Variants in GPC5 observed in about 807,000 individuals in gnomAD.
GPC5 encodes glypican 5, also known as glypican-5.
In GPC5, 47 loss-of-function variants were observed where a neutral mutation model predicts 53.9. The observed-to-expected ratio is 0.87, with a 90% CI of 0.69 to 1.11. The LOEUF (loss-of-function observed/expected upper bound fraction) is 1.11. Among genes scored for constraint, GPC5 ranks in the 50% most tolerant of loss-of-function variants. The pLI, the probability that GPC5 is intolerant of heterozygous loss-of-function variation, is 0.00. For missense variants in GPC5, 748 were observed against 713.1 expected, an observed-to-expected ratio of 1.05 and a Z score of -0.56; for synonymous variants, 286 against 263.3, an observed-to-expected ratio of 1.09 and a Z score of -0.84.
chr13:92,298,145 C>T (rs1191168195), intron 7 of GPC5, among the ~76,000 whole-genome samples: 4 of 152,212 alleles, frequency 2.6e-5, no homozygotes, highest in East Asian at 1.9e-4. Flanking sequence ...CCACACAATC[C>T]GAAGGGCCAG....
chr13:92,267,863 C>A (rs1372365766), intron 7 of GPC5, among the ~76,000 whole-genome samples: 5 of 152,118 alleles, frequency 3.3e-5, no homozygotes, highest in Admixed American at 3.3e-4. Context: ...ACTCCCAACC[C>A]CTAGAATAGA....
In GPC5 at chr13:91,408,545, A is replaced by T. The variant is rs918871798; in HGVS notation, c.163+9336A>T. 2.0e-5 allele frequency among the ~76,000 whole-genome samples: 3 copies of T among 152,124 alleles called. No homozygotes were observed. In the South Asian group the frequency reaches 6.2e-4, roughly 32 times the overall value. On this transcript the variant is annotated intron_variant, in intron 1 of 7. Transcript: ENST00000377067. ...TTTCGTGTATGAATTGTGGCTGGTT[A>T]TTTGTTTAGGATATTTTACAAGAGC...
At chr13:91,555,592 G>C (rs1218944997) in intron 2 of GPC5, among the ~76,000 whole-genome samples, 1 of 151,944 alleles carries the variant, frequency 6.6e-6, no homozygotes, top group African/African-American at 2.4e-5. Flanking sequence ...TAGCTCCCTT[G>C]GCCTTTGCGG....
intron 1 of GPC5, among the ~76,000 whole-genome samples, chr13:91,405,076 C>A (rs187556670): frequency 6.6e-6 from 1 of 152,174 alleles, no homozygotes; most frequent in East Asian, 1.9e-4. Context: ...GTCGTTAGAA[C>A]TGTAGGTTTC....
chr13:92,234,406 C>T (rs2042554412), intron 7 of GPC5, among the ~76,000 whole-genome samples: 1 of 152,054 alleles, frequency 6.6e-6, no homozygotes, highest in Admixed American at 6.6e-5. Flanking sequence ...TCTCTGATGG[C>T]CAGTGATGAT....
intron 6 of GPC5, among the ~76,000 whole-genome samples, chr13:92,128,515 A>G (rs1457260967): frequency 6.6e-6 from 1 of 152,344 alleles, no homozygotes; most frequent in East Asian, 1.9e-4. Context: ...TAGTTTCTCA[A>G]TAACATATCT....
At chr13:91,588,273 G>A (rs2032670823) in intron 2 of GPC5, among the ~76,000 whole-genome samples, 1 of 152,096 alleles carries the variant, frequency 6.6e-6, no homozygotes, top group African/African-American at 2.4e-5. Flanking sequence ...ATGACCTTTA[G>A]AATTTACTTC....
At chr13:92,182,883 A>T (rs908426594) in intron 7 of GPC5, among the ~76,000 whole-genome samples, 1 of 144,504 alleles carries the variant, frequency 6.9e-6, no homozygotes, top group Admixed American at 6.8e-5. Context: ...AAAGAAAAAA[A>T]AAAAAAAGTA....
intron 5 of GPC5, among the ~76,000 whole-genome samples, chr13:91,801,799 G>A (rs550922967): frequency 9.2e-5 from 14 of 152,236 alleles, no homozygotes; most frequent in African/African-American, 3.1e-4. Flanking sequence ...CAAATAGTTA[G>A]TTGCACCAGT....
In GPC5 at chr13:91,693,850, C is replaced by G; in HGVS notation, c.989C>G (p.Ala330Gly). 1 of 1,604,524 alleles carries G rather than the reference C, an allele frequency of 6.2e-7. No individual in the cohort carries two copies. Among genetic ancestry groups the G allele is most frequent in the Non-Finnish European group, 8.5e-7 (1 of 1,175,862 alleles). Residue 330 changes from alanine to glycine, a missense_variant, in exon 3 of 8, where the codon GCT (alanine) becomes GGT (glycine). Coordinates refer to ENST00000377067, the MANE Select transcript of GPC5 (RefSeq NM_004466.6). ...CTTGTTAATGATGCTGTGTTACAGG[C>G]TCACCTCAATGGACAAAAATTATTG... The part of the protein sequence containing the change: ...HLLVNDAVLQ[A>G]HLNGQKLLEQ...
intron 2 of GPC5, among the ~76,000 whole-genome samples, chr13:91,453,344 G>A (rs1360010291): frequency 2.0e-5 from 3 of 151,710 alleles, no homozygotes; most frequent in Non-Finnish European, 2.9e-5. Flanking sequence ...TATAGCTATC[G>A]TATAGCTGCT....
At chr13:92,034,053 A>G (rs186711457) in intron 6 of GPC5, among the ~76,000 whole-genome samples, 1 of 152,356 alleles carries the variant, frequency 6.6e-6, no homozygotes, top group East Asian at 1.9e-4. Context: ...AAGAAAAGGA[A>G]AGAGTGACAG....
intron 6 of GPC5, among the ~76,000 whole-genome samples, chr13:92,010,920 TA>T (rs2040655657): frequency 6.6e-6 from 1 of 152,218 alleles, no homozygotes; most frequent in South Asian, 2.1e-4. Flanking sequence ...TAATACAAAC[TA>T]TAAGACAATA....
At chr13:91,499,960 T>C (rs1351324550) in intron 2 of GPC5, among the ~76,000 whole-genome samples, 1 of 152,216 alleles carries the variant, frequency 6.6e-6, no homozygotes, top group African/African-American at 2.4e-5. Context: ...ATTGGTCTTG[T>C]ATTCTGGAGT....
intron 7 of GPC5, among the ~76,000 whole-genome samples, chr13:92,805,227 A>G (rs1028986306): frequency 1.3e-5 from 2 of 152,038 alleles, no homozygotes; most frequent in African/African-American, 4.8e-5. Flanking sequence ...TTCCAGATCC[A>G]TTAGAGCAAT....
intron 7 of GPC5, among the ~76,000 whole-genome samples, chr13:92,287,424 T>C (rs775250553): frequency 6.6e-6 from 1 of 152,182 alleles, no homozygotes; most frequent in Non-Finnish European, 1.5e-5. Flanking sequence ...TGCTCTTTGT[T>C]CTATTCATTA....
At chr13:92,400,187 G>A (rs1208722119) in intron 7 of GPC5, among the ~76,000 whole-genome samples, 1 of 152,118 alleles carries the variant, frequency 6.6e-6, no homozygotes, top group African/African-American at 2.4e-5. Flanking sequence ...ATGAGATAAA[G>A]CATAAAGCGG....
At chr13:92,319,705 A>T (rs551231899) in intron 7 of GPC5, among the ~76,000 whole-genome samples, 2 of 152,298 alleles carry the variant, frequency 1.3e-5, no homozygotes, top group East Asian at 1.9e-4. Flanking sequence ...TGCACTGATG[A>T]AGCATACACA....
At chr13:92,782,081 G>T (rs1876046543) in intron 7 of GPC5, among the ~76,000 whole-genome samples, 1 of 149,994 alleles carries the variant, frequency 6.7e-6, no homozygotes, top group African/African-American at 2.4e-5. Flanking sequence ...AACGGGAAGG[G>T]GAGGGAGAAA....
Sources: allele counts gnomAD v4.1 joint callset (sites outside exome capture counted in the v4.1 genomes callset), GRCh38; gene constraint gnomAD v4.1.1; transcripts MANE v1.5; gene names NCBI Gene and HGNC (gene_info 2026-07-23, HGNC 2026-07-21).